Variants in ZBTB44 observed in about 807,000 individuals in gnomAD.
ZBTB44 encodes zinc finger and BTB domain-containing protein 44.
A neutral mutation model predicts 54.0 loss-of-function variants in ZBTB44; 15 were observed. The observed-to-expected ratio is 0.28, with a 90% confidence interval of 0.19 to 0.43. The LOEUF (loss-of-function observed/expected upper bound fraction) is 0.43. ZBTB44 is among the 20% of genes least tolerant of loss of function. The pLI, the probability that ZBTB44 is intolerant of heterozygous loss-of-function variation, is 1.00. For missense variants in ZBTB44, 487 were observed against 707.1 expected (o/e 0.69, Z 3.53); for synonymous variants, 230 against 250.1 (o/e 0.92, Z 0.76).
chr11:130,256,932 T>C (rs903048446), intron 2 of ZBTB44, among the ~76,000 whole-genome samples: 4 of 151,912 alleles, frequency 2.6e-5, no homozygotes, highest in South Asian at 2.1e-4. Flanking sequence ...AGTATTCAAA[T>C]AGGAAGAGAG....
At chr11:130,303,836 G>A (rs1444462389) in intron 1 of ZBTB44, among the ~76,000 whole-genome samples, 2 of 151,714 alleles carry the variant, frequency 1.3e-5, no homozygotes, top group African/African-American at 4.8e-5. Flanking sequence ...TATTCAATGT[G>A]GAGACAAAGA....
chr11:130,312,404 T>C (rs1397524058), intron 1 of ZBTB44, among the ~76,000 whole-genome samples: 1 of 152,210 alleles, frequency 6.6e-6, no homozygotes, highest in Admixed American at 6.5e-5. Context: ...CCTCCTATAT[T>C]ATGCAACAGG....
chr11:130,241,121 T>A (rs1007334591), intron 2 of ZBTB44, among the ~76,000 whole-genome samples: 1 of 152,240 alleles, frequency 6.6e-6, no homozygotes, highest in African/African-American at 2.4e-5. Flanking sequence ...TTACTCTTGA[T>A]GGACAGTTTT....
intron 2 of ZBTB44, among the ~76,000 whole-genome samples, chr11:130,253,066 A>C (rs981388385): frequency 2.0e-5 from 3 of 152,220 alleles, no homozygotes; most frequent in Non-Finnish European, 2.9e-5. Context: ...ATGTATCTCA[A>C]AATAATAAGA....
chr11:130,288,722 A>G (rs780732123), intron 1 of ZBTB44, among the ~76,000 whole-genome samples: 2 of 151,668 alleles, frequency 1.3e-5, no homozygotes, highest in Non-Finnish European at 2.9e-5. Flanking sequence ...ACATGGTGAA[A>G]CCCTGTCTCT....
At chr11:130,236,353 C>A in intron 5 of ZBTB44, 1 of 725,228 alleles carries the variant, frequency 1.4e-6, no homozygotes, top group Non-Finnish European at 1.9e-6. Context: ...TCTTACTGGC[C>A]AATGGCTATT....
At chr11:130,309,056 G>C (rs1413684612) in intron 1 of ZBTB44, among the ~76,000 whole-genome samples, 1 of 152,192 alleles carries the variant, frequency 6.6e-6, no homozygotes, top group East Asian at 1.9e-4. Flanking sequence ...ACAGAAAAAT[G>C]CAAGTTAGCT....
intron 1 of ZBTB44, among the ~76,000 whole-genome samples, chr11:130,298,283 C>T (rs1008099249): frequency 1.1e-4 from 17 of 151,908 alleles, no homozygotes; most frequent in African/African-American, 3.6e-4. Context: ...GCTGGGACTA[C>T]AGGCATGCAC....
At chr11:130,310,800 T>C (rs993699571) in intron 1 of ZBTB44, among the ~76,000 whole-genome samples, 3 of 152,168 alleles carry the variant, frequency 2.0e-5, no homozygotes, top group African/African-American at 7.2e-5. Flanking sequence ...TGCAGTGCAA[T>C]GGCGCAATCT....
intron 1 of ZBTB44, among the ~76,000 whole-genome samples, chr11:130,310,973 A>G (rs1565344051): frequency 2.0e-5 from 3 of 152,240 alleles, no homozygotes; most frequent in Admixed American, 6.5e-5. Flanking sequence ...TCAAAAATAA[A>G]ATCCTAAGTA....
At chr11:130,236,195 G>A in intron 5 of ZBTB44, 3 of 1,286,586 alleles carry the variant, frequency 2.3e-6, no homozygotes, top group Non-Finnish European at 3.0e-6. Flanking sequence ...GCTAGATCTA[G>A]AAGCTGATTT....
At chr11:130,243,508 G>C (rs1439410695) in intron 2 of ZBTB44, among the ~76,000 whole-genome samples, 1 of 152,234 alleles carries the variant, frequency 6.6e-6, no homozygotes, top group Non-Finnish European at 1.5e-5. Context: ...AACTTCTCAG[G>C]GATGTGTTTT....
intron 1 of ZBTB44, among the ~76,000 whole-genome samples, chr11:130,283,106 G>A (rs751271404): frequency 3.5e-5 from 5 of 143,204 alleles, no homozygotes; most frequent in Non-Finnish European, 7.5e-5. Flanking sequence ...GTGTAGTGGC[G>A]CAACCTTGGC....
intron 1 of ZBTB44, among the ~76,000 whole-genome samples, chr11:130,276,680 C>A (rs1940128729): frequency 1.3e-5 from 2 of 152,104 alleles, no homozygotes; most frequent in African/African-American, 4.8e-5. Context: ...CTGTCCGCCT[C>A]GGCCTCCCAG....
chr11:130,309,441 T>C (rs1766092406), intron 1 of ZBTB44, among the ~76,000 whole-genome samples: 1 of 152,190 alleles, frequency 6.6e-6, no homozygotes, highest in Non-Finnish European at 1.5e-5. Flanking sequence ...CACTGCTCCC[T>C]CTTAAAACTT....
At chr11:130,294,244 A>T (rs1327965127) in intron 1 of ZBTB44, among the ~76,000 whole-genome samples, 1 of 151,808 alleles carries the variant, frequency 6.6e-6, no homozygotes, top group Non-Finnish European at 1.5e-5. Context: ...CCCCGTCTCT[A>T]CTAAAAATAC....
At chr11:130,243,155 G>A (rs1252729886) in intron 2 of ZBTB44, among the ~76,000 whole-genome samples, 1 of 152,178 alleles carries the variant, frequency 6.6e-6, no homozygotes, top group African/African-American at 2.4e-5. Context: ...AATACAGTAA[G>A]CATATTTACT....
chr11:130,271,152 G>T (rs900586626), intron 1 of ZBTB44, among the ~76,000 whole-genome samples: 4 of 152,116 alleles, frequency 2.6e-5, no homozygotes, highest in African/African-American at 9.7e-5. Flanking sequence ...ATTTCTGTCT[G>T]GTTTTGCTAT....
At chr11:130,281,232 A>G (rs1175485563) in intron 1 of ZBTB44, among the ~76,000 whole-genome samples, 2 of 152,184 alleles carry the variant, frequency 1.3e-5, no homozygotes, top group African/African-American at 4.8e-5. Flanking sequence ...AAGAAGCCAG[A>G]AAACAGGCCG....
Sources: gnomAD v4.1 joint callset for allele counts (sites outside exome capture counted in the v4.1 genomes callset) on GRCh38, gnomAD v4.1.1 for gene constraint, MANE v1.5 for transcripts, NCBI Gene and HGNC (gene_info 2026-07-23, HGNC 2026-07-21) for gene names.